The following ATM variants were observed in gnomAD, a reference collection of about 807,000 sequenced individuals.
ATM encodes the protein serine-protein kinase ATM.
Under a neutral mutation model 387.0 loss-of-function variants are expected in ATM, and 308 were observed. The ratio of observed to expected loss-of-function variants is 0.80; its 90% CI spans 0.73 to 0.87. ATM has a LOEUF of 0.87. ATM is among the 40% of genes least tolerant of loss of function. ATM has a pLI of 0.00. For missense variants in ATM, 3,312 were observed against 3,560.9 expected, an observed-to-expected ratio of 0.93 and a Z score of 1.78; for synonymous variants, 1,156 against 1,187.3, an observed-to-expected ratio of 0.97 and a Z score of 0.54.
intron 40 of ATM, among the ~76,000 whole-genome samples, chr11:108,313,902 T>G (rs985971384): frequency 6.6e-6 from 1 of 152,014 alleles, no homozygotes; most frequent in Non-Finnish European, 1.5e-5. Context: ...GTTTTCATTT[T>G]TATTTAACTG....
At position 108,325,398 on chromosome 11, in the gene ATM, G is replaced by T. The variant is rs1591128898; in HGVS notation, c.6661G>T (p.Glu2221Ter). 1 of 1,613,556 alleles carries T rather than the reference G, an allele frequency of 6.2e-7. No individual in the cohort carries two copies. The highest frequency in any genetic ancestry group is 1.3e-5 in the African/African-American group (1 of 74,858). ...LLKDSDFSFQ[E>*]PIMALRTVIL... ...CAAGGACAGTGATTTTAGTTTTCAG[G>T]AGCCTATCATGGCTCTACGCACAGT... The change falls in exon 46 of 63, where the codon GAG becomes TAG. Residue 2221 changes from glutamate (E) to a stop codon, truncating the protein, a stop_gained. Coordinates refer to ENST00000675843, the MANE Select transcript of ATM (RefSeq NM_000051.4). LOFTEE classifies it high-confidence loss of function.
intron 14 of ATM, among the ~76,000 whole-genome samples, chr11:108,257,093 A>C (rs1275981449): frequency 6.6e-6 from 1 of 152,210 alleles, no homozygotes; most frequent in Non-Finnish European, 1.5e-5. Flanking sequence ...GAATTGCCAC[A>C]CTGTCTTCCA....
intron 10 of ATM, among the ~76,000 whole-genome samples, chr11:108,251,353 G>T (rs1426169378): frequency 6.6e-6 from 1 of 152,156 alleles, no homozygotes; most frequent in Non-Finnish European, 1.5e-5. Flanking sequence ...CAAGGTACAT[G>T]TGATAATTTG....
In ATM at chr11:108,272,414, C is replaced by G. The variant is rs2081630788; in HGVS notation, c.3078-118C>G. On this transcript the variant is annotated intron_variant, in intron 20 of 62. Transcript: ENST00000675843. The stretch of plus-strand genomic sequence containing the variant: ...TATGTTGGCATATTCCACATAATGA[C>G]AAATAAGTTTAGCACAGAAAGACAT... The G allele has an allele frequency of 3.5e-6, 3 of 867,860 alleles. No homozygotes were observed. The African/African-American group carries it at 5.1e-5, about 15-fold the overall frequency. The allele number at this position is 867,860 out of a possible 1,614,324, so 53.8% of individuals were successfully genotyped here.
chr11:108,241,993 TACAG>T (rs1305854716), intron 5 of ATM, among the ~76,000 whole-genome samples: 1 of 151,980 alleles, frequency 6.6e-6, no homozygotes, highest in Non-Finnish European at 1.5e-5. Flanking sequence ...GTGTTGGGAT[TACAG>T]GTGTGAACCA....
chr11:108,277,877 G>T (rs567283212), intron 22 of ATM, among the ~76,000 whole-genome samples: 2 of 152,142 alleles, frequency 1.3e-5, no homozygotes, highest in Non-Finnish European at 2.9e-5. Flanking sequence ...ATGATAACGT[G>T]AAACATATTT....
At chr11:108,302,757 C>A in intron 35 of ATM, 96 bp from the exon 36 acceptor site, 1 of 1,185,282 alleles carries the variant, frequency 8.4e-7, no homozygotes, top group Non-Finnish European at 1.2e-6. Context: ...CTGTATTTAG[C>A]TTTATTCAGA....
At chr11:108,364,789 G>A (rs1443513458) in intron 61 of ATM, among the ~76,000 whole-genome samples, 3 of 152,112 alleles carry the variant, frequency 2.0e-5, no homozygotes, top group Non-Finnish European at 4.4e-5. Flanking sequence ...AGAGAGAGAA[G>A]GAAAGAAAGT....
At chr11:108,350,294 G>C (rs17412927) in intron 59 of ATM, among the ~76,000 whole-genome samples, 3,742 of 152,260 alleles carry the variant, frequency 0.025, 58 homozygotes, top group Non-Finnish European at 0.038. Flanking sequence ...TTGAAGCACT[G>C]ATGAGAGTAA....
At position 108,252,427 on chromosome 11, in the gene ATM, A is replaced by G. The variant is rs367952572; in HGVS notation, c.1803-390A>G. Among the ~76,000 whole-genome samples the G allele has an allele frequency of 4.5e-4, 69 of 152,306 alleles. 1 individual carries two copies. The highest frequency in any genetic ancestry group is 1.5e-3 in the African/African-American group (63 of 41,584). Reference sequence around the variant, plus strand: ...GAGGTGAGGAAACGAGGAAGACAAAACAGGATGTAAGCACTAGGATAAAGG... The same window carrying G: ...GAGGTGAGGAAACGAGGAAGACAAAGCAGGATGTAAGCACTAGGATAAAGG... On this transcript the variant is annotated intron_variant, in intron 11 of 62. Coordinates refer to ENST00000675843, the MANE Select transcript of ATM (RefSeq NM_000051.4).
chr11:108,252,339 A>G (rs2080199441), intron 11 of ATM, among the ~76,000 whole-genome samples: 2 of 152,168 alleles, frequency 1.3e-5, no homozygotes, highest in South Asian at 2.1e-4. Context: ...TATTTGAGTC[A>G]TGTAGATCCT....
chr11:108,287,592 C>G lies in ATM; in HGVS notation c.3994-8C>G. ...TATTAAATATATTTTAATTTTGTGC[C>G]CTTGCAGATTGATCACTTATTCATT... is the stretch of plus-strand genomic sequence containing the variant. On this transcript the variant is annotated splice_region_variant and splice_polypyrimidine_tract_variant and intron_variant, in intron 26 of 62. Coordinates refer to ENST00000675843, the MANE Select transcript of ATM (RefSeq NM_000051.4). 1 of 1,554,578 alleles carries G rather than the reference C, an allele frequency of 6.4e-7. No individual in the cohort carries two copies. Among genetic ancestry groups the G allele is most frequent in the Non-Finnish European group, 8.9e-7 (1 of 1,127,242 alleles).
At chr11:108,316,208 T>G in intron 42 of ATM, 95 bp downstream of exon 42, 1 of 1,152,202 alleles carries the variant, frequency 8.7e-7, no homozygotes, top group Non-Finnish European at 1.3e-6. Context: ...AGATAAACTC[T>G]AGAGATAAGA....
At chr11:108,326,506 A>T (rs1438381390) in intron 47 of ATM, among the ~76,000 whole-genome samples, 1 of 152,230 alleles carries the variant, frequency 6.6e-6, no homozygotes, top group African/African-American at 2.4e-5. Context: ...GTATGTGGGA[A>T]ATGAATGAAA....
intron 37 of ATM, among the ~76,000 whole-genome samples, chr11:108,307,193 A>G (rs1044226908): frequency 1.3e-5 from 2 of 148,532 alleles, no homozygotes; most frequent in Non-Finnish European, 3.0e-5. Flanking sequence ...TGTGTCACCC[A>G]GGCTGGAGTG....
chr11:108,280,637 T>G (rs2082182010), intron 23 of ATM, among the ~76,000 whole-genome samples: 2 of 152,176 alleles, frequency 1.3e-5, no homozygotes, highest in Admixed American at 6.5e-5. Context: ...TTACACTGTT[T>G]TAGTTATTAA....
intron 29 of ATM, among the ~76,000 whole-genome samples, chr11:108,292,327 A>G (rs749835344): frequency 1.4e-4 from 22 of 152,332 alleles, no homozygotes; most frequent in African/African-American, 3.8e-4. Context: ...TCTTGATTCA[A>G]TATTTTCCTG....
rs1591745717 is a variant in ATM, at chr11:108,310,198, T to C, written c.5801T>C (p.Leu1934Pro). 6.2e-7 allele frequency: 1 copy of C among 1,613,666 alleles called. No homozygotes were observed. The highest frequency in any genetic ancestry group is 8.5e-7 in the Non-Finnish European group (1 of 1,179,736). ...ACAATTTTTAATGATGCTTTCTGGCTGGATTTAAATTATCTAGAAGTTGCC... is the reference window on the plus strand; with the variant it reads ...ACAATTTTTAATGATGCTTTCTGGCCGGATTTAAATTATCTAGAAGTTGCC... ...SGTIFNDAFWLDLNYLEVAKV... is the reference protein window; with the variant it reads ...SGTIFNDAFWPDLNYLEVAKV... Residue 1934 changes from leucine (L) to proline (P), a missense_variant, in exon 39 of 63, where the codon CTG (leucine) becomes CCG (proline). This residue lies in a region of ATM where 1,405 missense variants were observed against 1,604.4 expected (regional missense o/e 0.88). Coordinates refer to ENST00000675843, the MANE Select transcript of ATM (RefSeq NM_000051.4).
rs2091427807 is a variant in ATM, at chr11:108,368,149, A to C, written c.*2641A>C. 4.8e-6 allele frequency: 1 copy of C among 208,052 alleles called. No homozygotes were observed. The highest frequency in any genetic ancestry group is 1.9e-4 in the South Asian group (1 of 5,318). 12.9% of individuals were successfully genotyped at this position (208,052 alleles called of 1,614,324 possible). A position where few individuals can be genotyped will look rare whatever the true frequency, so the allele number is the denominator to read the frequency against. On this transcript the variant is annotated 3_prime_UTR_variant, in exon 63 of 63. Transcript: ENST00000675843. ...GCTTTGAAAAGTTTATCAAATTTAC[A>C]TACAGATCACAAGCCTAGGAGAAAT...
Sources: gnomAD v4.1 joint callset for allele counts (sites outside exome capture counted in the v4.1 genomes callset) on GRCh38, gnomAD v4.1.1 for gene constraint, gnomAD v4.1.1 regional missense constraint, MANE v1.5 for transcripts, NCBI Gene and HGNC (gene_info 2026-07-23, HGNC 2026-07-21) for gene names.